Variants in ADGRL2 observed in about 807,000 individuals in gnomAD.
ADGRL2 encodes the protein calcium-independent alpha-latrotoxin receptor 2.
ADGRL2 carries 44 observed loss-of-function variants against 157.4 expected under a neutral mutation model. The ratio of observed to expected loss-of-function variants is 0.28; its 90% confidence interval spans 0.22 to 0.36. ADGRL2 has a LOEUF of 0.36. Among genes scored for constraint, ADGRL2 ranks in the 10% least tolerant of loss-of-function variants. ADGRL2 has a pLI of 1.00. For synonymous variants in ADGRL2, 585 were observed against 624.7 expected (o/e 0.94, Z 0.95); for missense variants, 1,510 against 1,768.9 (o/e 0.85, Z 2.63).
intron 1 of ADGRL2, among the ~76,000 whole-genome samples, chr1:81,428,255 T>C (rs1329126177): frequency 1.3e-5 from 2 of 151,934 alleles, no homozygotes; most frequent in Non-Finnish European, 1.5e-5. Context: ...TTTAGATAAA[T>C]AGGATTGGGT....
At chr1:81,327,885 A>G (rs955612082) in intron 1 of ADGRL2, among the ~76,000 whole-genome samples, 8 of 152,202 alleles carry the variant, frequency 5.3e-5, no homozygotes, top group African/African-American at 1.9e-4. Context: ...GACAAGGCCC[A>G]TTAGTTGCTT....
intron 1 of ADGRL2, among the ~76,000 whole-genome samples, chr1:81,701,628 A>G (rs1055920358): frequency 1.3e-5 from 2 of 152,142 alleles, no homozygotes; most frequent in Non-Finnish European, 2.9e-5. Flanking sequence ...GTCTGCCTAA[A>G]TCACTACACC....
intron 1 of ADGRL2, among the ~76,000 whole-genome samples, chr1:81,316,639 A>G (rs776607525): frequency 5.3e-5 from 8 of 152,188 alleles, no homozygotes; most frequent in Non-Finnish European, 8.8e-5. Context: ...TTCAACTCCT[A>G]TTTCTGACAG....
chr1:81,579,126 C>A (rs1173969611), intron 2 of ADGRL2, among the ~76,000 whole-genome samples: 1 of 152,146 alleles, frequency 6.6e-6, no homozygotes, highest in African/African-American at 2.4e-5. Context: ...ATCAATGAGT[C>A]TGAAAGTGCT....
intron 11 of ADGRL2, among the ~76,000 whole-genome samples, chr1:81,963,092 T>C (rs998809003): frequency 1.3e-5 from 2 of 152,170 alleles, no homozygotes; most frequent in Middle Eastern, 3.4e-3. Flanking sequence ...GGTCTTCTTA[T>C]AAAGTTATAT....
intron 3 of ADGRL2, among the ~76,000 whole-genome samples, chr1:81,911,789 G>C (rs889693474): frequency 1.3e-5 from 2 of 151,972 alleles, no homozygotes; most frequent in African/African-American, 4.8e-5. Flanking sequence ...AATACATACC[G>C]TGTGAGGAAG....
rs78225172 is a variant in ADGRL2, at chr1:81,791,219, T to A, written c.-101+29367T>A. 3.4e-3 allele frequency among the ~76,000 whole-genome samples: 525 copies of A among 152,238 alleles called. 2 individuals carry two copies. The highest frequency in any genetic ancestry group is 0.012 in the African/African-American group (503 of 41,554). ...GGCATCTTTTAAAAATAGGAACTTTTAAAAGACCATTATCTCCCCAAGAGT... is the reference window on the plus strand; with the variant it reads ...GGCATCTTTTAAAAATAGGAACTTTAAAAAGACCATTATCTCCCCAAGAGT... On this transcript the variant is annotated intron_variant, in intron 2 of 20. Coordinates refer to the ADGRL2 transcript ENST00000359929.
chr1:81,408,991 A>G (rs1369882732), intron 1 of ADGRL2, among the ~76,000 whole-genome samples: 2 of 152,216 alleles, frequency 1.3e-5, no homozygotes, highest in Non-Finnish European at 2.9e-5. Context: ...GTTAGAAGCA[A>G]TGTTCAGACT....
At position 81,359,331 on chromosome 1, in the gene ADGRL2, A is replaced by G. The variant is rs1281188029; in HGVS notation, c.-302+52822A>G. Among the ~76,000 whole-genome samples, 72 of 152,206 alleles carry G rather than the reference A, an allele frequency of 4.7e-4. 1 individual carries two copies. The highest frequency in any genetic ancestry group is 4.6e-3 in the Admixed American group (70 of 15,290). On this transcript the variant is annotated intron_variant, in intron 1 of 24. Coordinates refer to the ADGRL2 transcript ENST00000370721. ...GGGTCAACTGGAGACAGAGTGGTGA[A>G]TAAGACAGACTGCTGTCCATGTAAA... is the stretch of plus-strand genomic sequence containing the variant.
intron 1 of ADGRL2, among the ~76,000 whole-genome samples, chr1:81,417,679 A>T (rs1470915424): frequency 1.3e-5 from 2 of 152,142 alleles, no homozygotes; most frequent in Admixed American, 1.3e-4. Flanking sequence ...TCACAGAAAC[A>T]TTGGCTTGTT....
chr1:81,890,644 T>C (rs2094237580), intron 2 of ADGRL2, among the ~76,000 whole-genome samples: 1 of 152,128 alleles, frequency 6.6e-6, no homozygotes, highest in African/African-American at 2.4e-5. Flanking sequence ...ATATCTCTTA[T>C]TGAATCAATG....
At chr1:81,897,016 A>G (rs1426999522) in intron 2 of ADGRL2, among the ~76,000 whole-genome samples, 1 of 152,186 alleles carries the variant, frequency 6.6e-6, no homozygotes, top group Non-Finnish European at 1.5e-5. Flanking sequence ...AACAGGGATT[A>G]TTGTATTTTT....
At chr1:81,989,676 C>T (rs2149532874) in intron 23 of ADGRL2, 1 of 1,610,790 alleles carries the variant, frequency 6.2e-7, no homozygotes, top group East Asian at 2.2e-5. Context: ...GGCCAGATAG[C>T]CTGAGCAGAC....
At chr1:81,899,397 G>T (rs2094449107) in intron 2 of ADGRL2, among the ~76,000 whole-genome samples, 1 of 152,170 alleles carries the variant, frequency 6.6e-6, no homozygotes, top group Admixed American at 6.5e-5. Flanking sequence ...GAATGTGAAT[G>T]ATTTCAGTCT....
At chr1:81,866,394 A>G (rs1157669480) in intron 2 of ADGRL2, among the ~76,000 whole-genome samples, 1 of 152,134 alleles carries the variant, frequency 6.6e-6, no homozygotes, top group Non-Finnish European at 1.5e-5. Context: ...TGTATAAAGG[A>G]CAGGGACCTG....
At chr1:81,545,421 C>T (rs2079991789) in intron 2 of ADGRL2, among the ~76,000 whole-genome samples, 1 of 151,910 alleles carries the variant, frequency 6.6e-6, no homozygotes, top group Non-Finnish European at 1.5e-5. Flanking sequence ...GCTGAGATTA[C>T]AGGCATGCAC....
intron 3 of ADGRL2, among the ~76,000 whole-genome samples, chr1:81,683,920 G>A (rs758573560): frequency 6.6e-6 from 1 of 152,048 alleles, no homozygotes; most frequent in Non-Finnish European, 1.5e-5. Flanking sequence ...AAGTTCAAGC[G>A]ATTCTCCTGC....
chr1:81,436,435 A>C (rs1294122214), intron 1 of ADGRL2, among the ~76,000 whole-genome samples: 1 of 152,008 alleles, frequency 6.6e-6, no homozygotes, highest in East Asian at 1.9e-4. Context: ...TCCTTCTTTC[A>C]TTTGAACTAT....
intron 2 of ADGRL2, among the ~76,000 whole-genome samples, chr1:81,775,668 A>G (rs2086554245): frequency 6.6e-6 from 1 of 152,082 alleles, no homozygotes; most frequent in Non-Finnish European, 1.5e-5. Context: ...GTCATGCCCA[A>G]ATGACACTTC....
Sources: gnomAD v4.1 joint callset for allele counts (sites outside exome capture counted in the v4.1 genomes callset) on GRCh38, gnomAD v4.1.1 for gene constraint, MANE v1.5 for transcripts, NCBI Gene and HGNC (gene_info 2026-07-23, HGNC 2026-07-21) for gene names.